PDE1C: variants seen among roughly 807,000 people sequenced by gnomAD.
The protein encoded by PDE1C is phosphodiesterase 1C, also known as dual specificity calcium/calmodulin-dependent 3',5'-cyclic nucleotide phosphodiesterase 1C.
In PDE1C, 62 loss-of-function variants were observed where a neutral mutation model predicts 93.1. That is an observed-to-expected ratio of 0.67 (90% CI 0.54 to 0.82). The LOEUF (loss-of-function observed/expected upper bound fraction) is 0.82. Ranked by LOEUF, PDE1C falls within the 40% of genes least tolerant of loss-of-function variation. PDE1C has a pLI of 0.00. For missense variants in PDE1C, 742 were observed against 884.6 expected, an observed-to-expected ratio of 0.84 and a Z score of 2.04; for synonymous variants, 325 against 310.1, an observed-to-expected ratio of 1.05 and a Z score of -0.50.
At chr7:31,636,596 A>G in the PDE1C span, among the ~76,000 whole-genome samples, 46 of 152,258 alleles carry the variant, frequency 3.0e-4, no homozygotes, top group Non-Finnish European at 6.0e-4. Flanking sequence ...ATGCCTATAT[A>G]GTCTGGGAGT....
the PDE1C span, among the ~76,000 whole-genome samples, chr7:31,677,238 A>G: frequency 6.6e-6 from 1 of 152,230 alleles, no homozygotes; most frequent in Non-Finnish European, 1.5e-5. Flanking sequence ...TTTAAAGATC[A>G]GATAATATTA....
intron 1 of PDE1C, among the ~76,000 whole-genome samples, chr7:32,350,403 G>A (rs944805052): frequency 6.9e-6 from 1 of 144,266 alleles, no homozygotes; most frequent in Non-Finnish European, 1.5e-5. Context: ...TTATAACTAA[G>A]CCAAACAAAG....
intron 14 of PDE1C, chr7:31,820,656 G>C (rs779919762): frequency 3.9e-5 from 6 of 152,046 alleles, no homozygotes; most frequent in Non-Finnish European, 1.5e-5. Flanking sequence ...TGGAAAAAAA[G>C]AGCAACAAAC....
chr7:32,078,927 CAAA>C (rs112614033), intron 3 of PDE1C, among the ~76,000 whole-genome samples: 2 of 129,412 alleles, frequency 1.5e-5, no homozygotes. Context: ...CTCACTCTCT[CAAA>C]AAAAAAAAAA....
rs1002581717 is a variant in PDE1C at position 31,752,744 on chromosome 7, A to C, written c.*640T>G. 6.6e-6 allele frequency: 1 copy of C among 152,138 alleles called. No homozygotes were observed. Among genetic ancestry groups the C allele is most frequent in the African/African-American group, 2.4e-5 (1 of 41,444 alleles). 9.4% of individuals were successfully genotyped at this position (152,138 alleles called of 1,614,324 possible). A position where few individuals can be genotyped will look rare whatever the true frequency, so the allele number is the denominator to read the frequency against. On this transcript the variant is annotated 3_prime_UTR_variant, in exon 18 of 18. Coordinates refer to ENST00000396191, the MANE Select transcript of PDE1C (RefSeq NM_001191057.4). ...GAGGCACAATCTTCATGAGGCACAA[A>C]AATCTTTTTTTGTTTTTTAACTTGG...
At chr7:31,889,690 T>A (rs1256569297) in intron 2 of PDE1C, among the ~76,000 whole-genome samples, 2 of 152,144 alleles carry the variant, frequency 1.3e-5, no homozygotes, top group African/African-American at 4.8e-5. Flanking sequence ...GTGTCCAAAG[T>A]GAGTGTGTCA....
intron 1 of PDE1C, among the ~76,000 whole-genome samples, chr7:32,254,270 G>A (rs1162481931): frequency 6.6e-6 from 1 of 152,180 alleles, no homozygotes; most frequent in Non-Finnish European, 1.5e-5. Context: ...GGGAGCTGGA[G>A]GTCCTATGTT....
At chr7:31,699,941 G>C in the PDE1C span, among the ~76,000 whole-genome samples, 1 of 151,998 alleles carries the variant, frequency 6.6e-6, no homozygotes, top group Non-Finnish European at 1.5e-5. Flanking sequence ...CTGTTCCACT[G>C]ACAAACAATT....
intron 11 of PDE1C, among the ~76,000 whole-genome samples, chr7:31,832,333 A>G (rs1212559054): frequency 6.6e-6 from 1 of 152,226 alleles, no homozygotes; most frequent in Non-Finnish European, 1.5e-5. Context: ...AACGAGGTGA[A>G]CTTATACTTC....
At chr7:32,256,280 G>A (rs1215245733) in intron 1 of PDE1C, among the ~76,000 whole-genome samples, 1 of 152,228 alleles carries the variant, frequency 6.6e-6, no homozygotes, top group Non-Finnish European at 1.5e-5. Flanking sequence ...GTTTGATGGA[G>A]TTTTCTAAAA....
upstream of PDE1C, chr7:32,070,523 C>T: frequency 1.3e-6 from 2 of 1,497,224 alleles, no homozygotes; most frequent in Non-Finnish European, 1.8e-6. Flanking sequence ...TCGGCGCGCT[C>T]CCCCTTCTGC....
At chr7:32,197,129 A>T (rs191153642) in intron 2 of PDE1C, among the ~76,000 whole-genome samples, 2 of 152,306 alleles carry the variant, frequency 1.3e-5, no homozygotes, top group East Asian at 3.9e-4. Flanking sequence ...AGAGAATGGG[A>T]TGCTACCCCT....
chr7:32,314,208 C>T (rs926307567), intron 1 of PDE1C, among the ~76,000 whole-genome samples: 3 of 151,968 alleles, frequency 2.0e-5, no homozygotes, highest in Non-Finnish European at 4.4e-5. Context: ...GAAAGCAAGA[C>T]AAAAATATAA....
chr7:31,913,626 A>T (rs1045327895), intron 2 of PDE1C, among the ~76,000 whole-genome samples: 1 of 152,202 alleles, frequency 6.6e-6, no homozygotes, highest in African/African-American at 2.4e-5. Context: ...GGGTGATTTC[A>T]TCATTTAAGG....
intron 3 of PDE1C, among the ~76,000 whole-genome samples, chr7:32,157,547 C>T (rs75348056): frequency 6.6e-6 from 1 of 152,160 alleles, no homozygotes; most frequent in Non-Finnish European, 1.5e-5. Flanking sequence ...GTGGAGCCAG[C>T]CAAAAAATAT....
At chr7:31,874,004 T>C (rs552284515) in intron 5 of PDE1C, among the ~76,000 whole-genome samples, 1 of 152,326 alleles carries the variant, frequency 6.6e-6, no homozygotes, top group African/African-American at 2.4e-5. Context: ...ACATGCATGA[T>C]GTAGAACACA....
intron 1 of PDE1C, among the ~76,000 whole-genome samples, chr7:32,220,864 T>C (rs1806805053): frequency 6.6e-6 from 1 of 152,160 alleles, no homozygotes; most frequent in South Asian, 2.1e-4. Context: ...ATTCCACATA[T>C]CATGCATGGA....
At chr7:31,654,871 T>C in the PDE1C span, among the ~76,000 whole-genome samples, 1 of 152,256 alleles carries the variant, frequency 6.6e-6, no homozygotes, top group South Asian at 2.1e-4. Context: ...ATCTCACATC[T>C]TGCTTGCACT....
At chr7:31,761,730 C>T (rs113766387) in intron 17 of PDE1C, among the ~76,000 whole-genome samples, 123 of 152,284 alleles carry the variant, frequency 8.1e-4, no homozygotes, top group African/African-American at 2.9e-3. Context: ...ATTGTTTAAG[C>T]TCTTCAGATA....
Sources: allele counts gnomAD v4.1 joint callset (sites outside exome capture counted in the v4.1 genomes callset), GRCh38; gene constraint gnomAD v4.1.1; transcripts MANE v1.5; gene names NCBI Gene and HGNC (gene_info 2026-07-23, HGNC 2026-07-21).